AFF3: variants seen among roughly 807,000 people sequenced by gnomAD.
AFF3 encodes ALF transcription elongation factor 3.
A neutral mutation model predicts 129.7 loss-of-function variants in AFF3; 32 were observed. The observed-to-expected ratio is 0.25, with a 90% CI of 0.19 to 0.33. AFF3 has a LOEUF of 0.33. AFF3 is among the 10% of genes least tolerant of loss of function. The pLI, the probability that AFF3 is intolerant of heterozygous loss-of-function variation, is 1.00. For synonymous variants in AFF3, 644 were observed against 635.4 expected, an observed-to-expected ratio of 1.01 and a Z score of -0.20; for missense variants, 1,373 against 1,592.0, an observed-to-expected ratio of 0.86 and a Z score of 2.34.
chr2:99,795,839 C>A (rs1264946069), intron 8 of AFF3, among the ~76,000 whole-genome samples: 5 of 152,050 alleles, frequency 3.3e-5, no homozygotes, highest in Middle Eastern at 3.2e-3. Flanking sequence ...TTGGCTTGCA[C>A]CTCATGCTAT....
At chr2:99,760,634 C>T (rs1558824276) in intron 8 of AFF3, among the ~76,000 whole-genome samples, 2 of 152,138 alleles carry the variant, frequency 1.3e-5, no homozygotes, top group African/African-American at 2.4e-5. Context: ...CCCACTTCAC[C>T]CCCAACCACC....
chr2:99,923,540 C>T (rs902156474), intron 7 of AFF3, among the ~76,000 whole-genome samples: 5 of 152,128 alleles, frequency 3.3e-5, no homozygotes, highest in Non-Finnish European at 7.3e-5. Context: ...AAAGGACCAA[C>T]GAAAGATGAT....
At chr2:99,908,548 A>G (rs565939042) in intron 7 of AFF3, among the ~76,000 whole-genome samples, 4 of 152,334 alleles carry the variant, frequency 2.6e-5, no homozygotes, top group Admixed American at 1.3e-4. Flanking sequence ...CAACCTACAG[A>G]ATGGGAGAAA....
intron 4 of AFF3, among the ~76,000 whole-genome samples, chr2:100,034,707 C>T (rs1228247719): frequency 2.0e-5 from 3 of 152,010 alleles, no homozygotes; most frequent in African/African-American, 7.3e-5. Flanking sequence ...GGCTTTTGAT[C>T]TAGTGCCTAT....
At chr2:99,830,602 A>C (rs1688443953) in intron 8 of AFF3, among the ~76,000 whole-genome samples, 1 of 152,092 alleles carries the variant, frequency 6.6e-6, no homozygotes, top group African/African-American at 2.4e-5. Context: ...AAATACAAAA[A>C]TTAGCTGGGT....
At chr2:99,813,973 C>G (rs1687006080) in intron 8 of AFF3, among the ~76,000 whole-genome samples, 1 of 152,054 alleles carries the variant, frequency 6.6e-6, no homozygotes, top group Non-Finnish European at 1.5e-5. Flanking sequence ...CAATAGATGC[C>G]AAATACTCAA....
At chr2:99,665,079 G>A (rs1288741123) in intron 12 of AFF3, among the ~76,000 whole-genome samples, 1 of 152,234 alleles carries the variant, frequency 6.6e-6, no homozygotes, top group Non-Finnish European at 1.5e-5. Context: ...TGCAGGAGCT[G>A]GGAGAAGGGC....
chr2:100,033,272 A>G (rs934915799), intron 4 of AFF3, among the ~76,000 whole-genome samples: 2 of 151,708 alleles, frequency 1.3e-5, no homozygotes, highest in Non-Finnish European at 2.9e-5. Context: ...CCTCATTATT[A>G]AAAAAAATTA....
At chr2:100,108,475 G>A (rs1691396765) in intron 2 of AFF3, among the ~76,000 whole-genome samples, 1 of 152,042 alleles carries the variant, frequency 6.6e-6, no homozygotes, top group African/African-American at 2.4e-5. Context: ...TCCGCCTTGG[G>A]CTCTCTGACA....
chr2:99,667,407 T>TA (rs1218832274), intron 12 of AFF3, among the ~76,000 whole-genome samples: 5 of 151,954 alleles, frequency 3.3e-5, no homozygotes, highest in African/African-American at 1.2e-4. Flanking sequence ...ACTTATATCA[T>TA]AAAAAAGAAC....
intron 16 of AFF3, among the ~76,000 whole-genome samples, chr2:99,586,554 C>T (rs1559507596): frequency 6.6e-6 from 1 of 152,158 alleles, no homozygotes; most frequent in African/African-American, 2.4e-5. Context: ...GAAAGAGCTT[C>T]TACGACTGAT....
At chr2:99,887,137 T>C (rs1024250635) in intron 7 of AFF3, among the ~76,000 whole-genome samples, 3 of 152,216 alleles carry the variant, frequency 2.0e-5, no homozygotes, top group Non-Finnish European at 2.9e-5. Flanking sequence ...GATGAGCTAA[T>C]CTGTTCACCT....
intron 4 of AFF3, among the ~76,000 whole-genome samples, chr2:100,021,233 A>G (rs1209561117): frequency 6.6e-6 from 1 of 152,296 alleles, no homozygotes; most frequent in Non-Finnish European, 1.5e-5. Context: ...AAACCATACC[A>G]TAAGAAGAAA....
intron 4 of AFF3, among the ~76,000 whole-genome samples, chr2:100,049,631 T>C (rs1156263433): frequency 6.6e-6 from 1 of 152,218 alleles, no homozygotes; most frequent in Non-Finnish European, 1.5e-5. Flanking sequence ...AAAGAGTCTT[T>C]CAAATGTTCA....
At chr2:100,022,450 C>A (rs965831685) in intron 4 of AFF3, among the ~76,000 whole-genome samples, 1 of 152,060 alleles carries the variant, frequency 6.6e-6, no homozygotes, top group Non-Finnish European at 1.5e-5. Context: ...TCACTCTATC[C>A]CCCCGGCTGG....
In AFF3 at chr2:99,672,175, T is replaced by TACACAC. The variant is rs1558728727; in HGVS notation, c.1143+362_1143+363insGTGTGT. Among the ~76,000 whole-genome samples, 212 of 139,618 alleles carry TACACAC rather than the reference T, an allele frequency of 1.5e-3. 3 individuals are homozygous for TACACAC. The highest frequency in any genetic ancestry group is 3.6e-3 in the Middle Eastern group (1 of 276). 91.6% of individuals were successfully genotyped at this position (139,618 alleles called of 152,430 possible). A position where few individuals can be genotyped will look rare whatever the true frequency, so the allele number is the denominator to read the frequency against. On this transcript the variant is annotated intron_variant, in intron 12 of 24. Coordinates refer to ENST00000672756, the MANE Select transcript of AFF3 (RefSeq NM_001386135.1). ...TTTGATCTCCAGAAGGCCAGTTAGC[T>TACACAC]TCTCACACACACACACACACACACA...
At chr2:99,663,597 G>A (rs1686428672) in intron 12 of AFF3, among the ~76,000 whole-genome samples, 1 of 152,098 alleles carries the variant, frequency 6.6e-6, no homozygotes. Flanking sequence ...ACGCCAATGG[G>A]GAAATTTCCC....
chr2:99,814,968 G>C (rs1359172217), intron 8 of AFF3, among the ~76,000 whole-genome samples: 1 of 151,444 alleles, frequency 6.6e-6, no homozygotes, highest in Non-Finnish European at 1.5e-5. Flanking sequence ...TCATGCCTTA[G>C]CCTCCCAAGT....
chr2:99,733,458 T>C (rs1446501672), intron 10 of AFF3, among the ~76,000 whole-genome samples: 1 of 152,140 alleles, frequency 6.6e-6, no homozygotes, highest in African/African-American at 2.4e-5. Flanking sequence ...TTTTCTATTA[T>C]CTTTGGATAA....
Sources: gnomAD v4.1 joint callset for allele counts (sites outside exome capture counted in the v4.1 genomes callset) on GRCh38, gnomAD v4.1.1 for gene constraint, MANE v1.5 for transcripts, NCBI Gene and HGNC (gene_info 2026-07-23, HGNC 2026-07-21) for gene names.